Variants in UNC13C observed in about 807,000 individuals in gnomAD.
UNC13C encodes the protein protein unc-13 homolog C.
In UNC13C, 174 loss-of-function variants were observed where a neutral mutation model predicts 245.4. The observed-to-expected ratio is 0.71, with a 90% CI of 0.63 to 0.80. The LOEUF (loss-of-function observed/expected upper bound fraction) is 0.80. Among genes scored for constraint, UNC13C ranks in the 30% least tolerant of loss-of-function variants. The pLI is 0.00. For synonymous variants in UNC13C, 992 were observed against 895.1 expected (o/e 1.11, Z -1.93); for missense variants, 2,829 against 2,602.9 (o/e 1.09, Z -1.89).
chr15:54,313,384 A>ATT (rs1268485700), intron 13 of UNC13C, among the ~76,000 whole-genome samples: 14 of 151,850 alleles, frequency 9.2e-5, no homozygotes, highest in African/African-American at 3.4e-4. Flanking sequence ...TTAATTAAGT[A>ATT]ATGTTTCTTG....
chr15:53,872,903 CT>C, the UNC13C span, among the ~76,000 whole-genome samples: 1 of 152,278 alleles, frequency 6.6e-6, no homozygotes, highest in East Asian at 1.9e-4. Context: ...GCAAACTGAA[CT>C]TATTGAAATG....
intron 19 of UNC13C, among the ~76,000 whole-genome samples, chr15:54,470,449 A>G (rs546215555): frequency 5.3e-5 from 8 of 151,464 alleles, no homozygotes; most frequent in African/African-American, 1.7e-4. Flanking sequence ...CAGATTTGCT[A>G]TTTCTTTGTG....
chr15:54,461,725 A>G (rs1891856950), intron 19 of UNC13C, among the ~76,000 whole-genome samples: 1 of 152,214 alleles, frequency 6.6e-6, no homozygotes, highest in African/African-American at 2.4e-5. Flanking sequence ...CTTAGATAAT[A>G]GTATGAGTAG....
chr15:53,856,744 G>C, the UNC13C span, among the ~76,000 whole-genome samples: 1 of 151,754 alleles, frequency 6.6e-6, no homozygotes, highest in Admixed American at 6.6e-5. Flanking sequence ...GAGGTGATAA[G>C]AATGTATATT....
intron 13 of UNC13C, among the ~76,000 whole-genome samples, chr15:54,314,631 C>T (rs1297590524): frequency 6.6e-6 from 1 of 151,532 alleles, no homozygotes; most frequent in African/African-American, 2.4e-5. Flanking sequence ...ATGACAAATA[C>T]AGAGAGGACA....
intron 24 of UNC13C, among the ~76,000 whole-genome samples, chr15:54,513,547 C>G (rs1341757529): frequency 6.6e-6 from 1 of 152,094 alleles, no homozygotes; most frequent in African/African-American, 2.4e-5. Context: ...GATAGAATTG[C>G]TGGTTTGAAA....
chr15:53,926,704 A>T, the UNC13C span, among the ~76,000 whole-genome samples: 1 of 150,402 alleles, frequency 6.6e-6, no homozygotes, highest in Middle Eastern at 3.4e-3. Context: ...ACAGCACCAC[A>T]AAGGAAGCGA....
chr15:54,086,854 G>T (rs1238264905), intron 2 of UNC13C, among the ~76,000 whole-genome samples: 1 of 147,254 alleles, frequency 6.8e-6, no homozygotes, highest in East Asian at 2.1e-4. Context: ...TCCTGCCTCA[G>T]CCTCCAGAGA....
chr15:54,026,018 T>C (rs1374035418), intron 2 of UNC13C, among the ~76,000 whole-genome samples: 4 of 152,220 alleles, frequency 2.6e-5, no homozygotes, highest in Admixed American at 2.6e-4. Context: ...TTCTGTTCTT[T>C]AGTGATTACA....
intron 25 of UNC13C, among the ~76,000 whole-genome samples, chr15:54,532,302 A>G (rs924925185): frequency 3.9e-5 from 6 of 152,132 alleles, no homozygotes; most frequent in Admixed American, 2.6e-4. Context: ...CAGAAATACC[A>G]TTTGACCCAG....
chr15:53,974,805 G>A (rs903422847), upstream of UNC13C: 7 of 151,448 alleles, frequency 4.6e-5, no homozygotes, highest in African/African-American at 1.5e-4. Context: ...CCAGAAATTC[G>A]AGAATAGCTT....
intron 2 of UNC13C, among the ~76,000 whole-genome samples, chr15:54,120,928 G>T (rs1487548051): frequency 6.6e-6 from 1 of 152,128 alleles, no homozygotes; most frequent in Non-Finnish European, 1.5e-5. Flanking sequence ...GTGAGGAGTT[G>T]CTTCTTATGG....
At chr15:54,323,304 A>C (rs1029252814) in intron 14 of UNC13C, among the ~76,000 whole-genome samples, 1 of 152,018 alleles carries the variant, frequency 6.6e-6, no homozygotes, top group African/African-American at 2.4e-5. Flanking sequence ...GAATTAGAAT[A>C]ATCAAAGGAA....
At chr15:54,395,045 T>A (rs1275593511) in intron 18 of UNC13C, among the ~76,000 whole-genome samples, 1 of 151,892 alleles carries the variant, frequency 6.6e-6, no homozygotes, top group East Asian at 1.9e-4. Context: ...AGTCCACTTT[T>A]TTCCTTTGGA....
intron 2 of UNC13C, among the ~76,000 whole-genome samples, chr15:54,056,815 TAAAGA>T (rs1897551691): frequency 6.6e-6 from 1 of 152,164 alleles, no homozygotes; most frequent in Non-Finnish European, 1.5e-5. Context: ...TAAACATTCT[TAAAGA>T]AAAGAATTTT....
chr15:54,319,887 C>T (rs1392428303), intron 13 of UNC13C, among the ~76,000 whole-genome samples: 1 of 151,846 alleles, frequency 6.6e-6, no homozygotes. Context: ...AAAAGGTTTC[C>T]TTGAGAGAAG....
intron 19 of UNC13C, among the ~76,000 whole-genome samples, chr15:54,463,281 G>T (rs865945149): frequency 4.9e-4 from 34 of 69,016 alleles, no homozygotes; most frequent in African/African-American, 1.6e-3. Flanking sequence ...GGGGGGGGGG[G>T]GCCGGTCAGG....
At chr15:54,336,801 T>A (rs1053964942) in intron 16 of UNC13C, among the ~76,000 whole-genome samples, 4 of 152,282 alleles carry the variant, frequency 2.6e-5, no homozygotes, top group South Asian at 4.1e-4. Context: ...ATGGGTCTAT[T>A]TCTGAACTCT....
At chr15:53,983,526 TAGA>T (rs912072428) in intron 1 of UNC13C, among the ~76,000 whole-genome samples, 3 of 152,048 alleles carry the variant, frequency 2.0e-5, no homozygotes, top group African/African-American at 7.2e-5. Context: ...TCCCTAAAAT[TAGA>T]AGATTTTGCT....
Sources: allele counts gnomAD v4.1 joint callset (sites outside exome capture counted in the v4.1 genomes callset), GRCh38; gene constraint gnomAD v4.1.1; transcripts MANE v1.5; gene names NCBI Gene and HGNC (gene_info 2026-07-23, HGNC 2026-07-21).